The following CDH12 variants were observed in gnomAD, a reference collection of about 807,000 sequenced individuals.
CDH12 encodes the protein cadherin 12.
CDH12 carries 41 observed loss-of-function variants against 74.1 expected under a neutral mutation model. The observed-to-expected ratio is 0.55, with a 90% confidence interval of 0.43 to 0.72. CDH12 has a LOEUF of 0.72. Ranked by LOEUF, CDH12 falls within the 30% of genes least tolerant of loss-of-function variation. The pLI, the probability that CDH12 is intolerant of heterozygous loss-of-function variation, is 0.00. For synonymous variants in CDH12, 399 were observed against 355.0 expected, an observed-to-expected ratio of 1.12 and a Z score of -1.39; for missense variants, 945 against 977.2, an observed-to-expected ratio of 0.97 and a Z score of 0.44.
intron 5 of CDH12, among the ~76,000 whole-genome samples, chr5:22,026,048 TATTA>T (rs1279263662): frequency 8.5e-5 from 13 of 152,188 alleles, no homozygotes; most frequent in African/African-American, 3.1e-4. Flanking sequence ...CCCAAATTCC[TATTA>T]ATGTTGGTAT....
intron 4 of CDH12, chr5:22,152,408 ATGATTTGCC>A (rs1747656473): frequency 6.6e-6 from 1 of 152,204 alleles, no homozygotes; most frequent in Admixed American, 6.5e-5. Flanking sequence ...GACAGATGAA[ATGATTTGCC>A]TGAGGCTGTA....
chr5:22,420,553 C>T (rs2126494883), intron 2 of CDH12, among the ~76,000 whole-genome samples: 1 of 152,172 alleles, frequency 6.6e-6, no homozygotes, highest in South Asian at 2.1e-4. Context: ...TGTACCAGCA[C>T]CATGCTGTTT....
intron 1 of CDH12, among the ~76,000 whole-genome samples, chr5:22,729,143 T>A (rs1425301300): frequency 6.6e-6 from 1 of 151,824 alleles, no homozygotes; most frequent in East Asian, 1.9e-4. Context: ...TTTAACAGTT[T>A]CTGTGGGTCA....
intron 5 of CDH12, among the ~76,000 whole-genome samples, chr5:22,069,917 C>G (rs1477713809): frequency 6.6e-6 from 1 of 152,076 alleles, no homozygotes; most frequent in Non-Finnish European, 1.5e-5. Context: ...TTTTGTCTCC[C>G]CACAAGGTAA....
At chr5:21,991,764 T>G (rs952518750) in intron 5 of CDH12, among the ~76,000 whole-genome samples, 1 of 151,418 alleles carries the variant, frequency 6.6e-6, no homozygotes, top group Non-Finnish European at 1.5e-5. Flanking sequence ...CTATAGTAAC[T>G]ACTTCAAATG....
chr5:21,793,876 A>C (rs936689326), intron 10 of CDH12, among the ~76,000 whole-genome samples: 2 of 151,042 alleles, frequency 1.3e-5, no homozygotes, highest in African/African-American at 4.8e-5. Context: ...TTTTTCAAGA[A>C]GAGCATTTTC....
intron 1 of CDH12, among the ~76,000 whole-genome samples, chr5:22,699,929 C>T (rs181687997): frequency 6.6e-6 from 1 of 152,144 alleles, no homozygotes; most frequent in Admixed American, 6.5e-5. Flanking sequence ...AATCCCAGCA[C>T]TTTGAGAGGC....
chr5:21,930,740 A>C (rs890386485), intron 6 of CDH12, among the ~76,000 whole-genome samples: 1 of 152,222 alleles, frequency 6.6e-6, no homozygotes, highest in African/African-American at 2.4e-5. Flanking sequence ...TAAGTACATA[A>C]AAAAGTTGTA....
intron 1 of CDH12, among the ~76,000 whole-genome samples, chr5:22,699,174 T>C (rs1231136447): frequency 1.3e-5 from 2 of 152,214 alleles, no homozygotes; most frequent in South Asian, 2.1e-4. Flanking sequence ...GTGCTTTTTC[T>C]TTAACACAAA....
intron 3 of CDH12, among the ~76,000 whole-genome samples, chr5:22,332,762 T>C (rs563394432): frequency 6.6e-6 from 1 of 152,268 alleles, no homozygotes; most frequent in East Asian, 1.9e-4. Flanking sequence ...AAAACCATGA[T>C]GAGATACCAT....
intron 8 of CDH12, among the ~76,000 whole-genome samples, chr5:21,841,709 G>A (rs1749864209): frequency 6.6e-6 from 1 of 151,898 alleles, no homozygotes; most frequent in South Asian, 2.1e-4. Flanking sequence ...TCCTTTGTCG[G>A]GACATGGATG....
At position 22,294,780 on chromosome 5, in the gene CDH12, A is replaced by G. The variant is rs1033680531; in HGVS notation, c.-332-82137T>C. ...ACCTTAGACAGGTTTCTTCCCGACT[A>G]TAGGTCCATGGCCTCTCGTTTCTTA... On this transcript the variant is annotated intron_variant, in intron 3 of 14. Coordinates refer to ENST00000382254, the MANE Select transcript of CDH12 (RefSeq NM_004061.5). 2.6e-5 allele frequency among the ~76,000 whole-genome samples: 4 copies of G among 152,318 alleles called. No individual in the cohort carries two copies. The East Asian group carries it at 7.7e-4, about 29-fold the overall frequency.
At chr5:22,222,567 T>C (rs1035237341) in intron 3 of CDH12, among the ~76,000 whole-genome samples, 1 of 152,086 alleles carries the variant, frequency 6.6e-6, no homozygotes, top group South Asian at 2.1e-4. Context: ...ATTGTCATTT[T>C]ATTTTTTATA....
intron 1 of CDH12, among the ~76,000 whole-genome samples, chr5:22,703,273 C>A (rs1269502009): frequency 6.6e-6 from 1 of 152,074 alleles, no homozygotes; most frequent in African/African-American, 2.4e-5. Flanking sequence ...CAACTACAGA[C>A]CACATCATGC....
intron 1 of CDH12, among the ~76,000 whole-genome samples, chr5:22,764,956 T>C (rs1056782541): frequency 2.0e-5 from 3 of 151,954 alleles, no homozygotes; most frequent in Admixed American, 1.3e-4. Context: ...ATATACTGTG[T>C]TTGCATATCA....
At chr5:22,021,158 A>G (rs1371818222) in intron 5 of CDH12, among the ~76,000 whole-genome samples, 1 of 152,206 alleles carries the variant, frequency 6.6e-6, no homozygotes, top group African/African-American at 2.4e-5. Flanking sequence ...TACACTTTGT[A>G]ACTATAGCCT....
At chr5:22,736,257 T>C (rs1044650869) in intron 1 of CDH12, among the ~76,000 whole-genome samples, 1 of 151,814 alleles carries the variant, frequency 6.6e-6, no homozygotes, top group Non-Finnish European at 1.5e-5. Flanking sequence ...GAGATATACA[T>C]AACTTCCTCC....
intron 5 of CDH12, among the ~76,000 whole-genome samples, chr5:22,056,175 T>G (rs1233402656): frequency 6.6e-6 from 1 of 152,148 alleles, no homozygotes; most frequent in African/African-American, 2.4e-5. Context: ...GTTTAAAATT[T>G]TTCTCCATTA....
At chr5:22,502,671 C>CACA (rs1736223395) in intron 2 of CDH12, among the ~76,000 whole-genome samples, 1 of 151,640 alleles carries the variant, frequency 6.6e-6, no homozygotes, top group South Asian at 2.1e-4. Context: ...GACACACACA[C>CACA]ACAAAACCTC....
Sources: allele counts gnomAD v4.1 joint callset (sites outside exome capture counted in the v4.1 genomes callset), GRCh38; gene constraint gnomAD v4.1.1; transcripts MANE v1.5; gene names NCBI Gene and HGNC (gene_info 2026-07-23, HGNC 2026-07-21).